SALL3: variants seen among roughly 807,000 people sequenced by gnomAD.
SALL3 encodes the protein spalt like transcription factor 3.
Under a neutral mutation model 66.2 loss-of-function variants are expected in SALL3, and 25 were observed. That is an observed-to-expected ratio of 0.38 (90% CI 0.28 to 0.53). SALL3 has a LOEUF of 0.53. SALL3 is among the 20% of genes least tolerant of loss of function. SALL3 has a pLI of 0.85. For missense variants in SALL3, 2,194 were observed against 1,916.5 expected (o/e 1.14, Z -2.70); for synonymous variants, 1,152 against 899.1 (o/e 1.28, Z -5.03).
chr18:78,982,103 A>G (rs892590291), intron 1 of SALL3, among the ~76,000 whole-genome samples: 11 of 152,242 alleles, frequency 7.2e-5, no homozygotes, highest in Admixed American at 3.9e-4. Flanking sequence ...GTATTTAACA[A>G]TTAACAAGCT....
chr18:78,984,750 T>C (rs545376003), intron 1 of SALL3, among the ~76,000 whole-genome samples: 2 of 152,342 alleles, frequency 1.3e-5, no homozygotes, highest in South Asian at 4.1e-4. Flanking sequence ...AAATATTAAT[T>C]GTAATAAAAT....
chr18:78,980,187 G>C lies in SALL3; in HGVS notation c.-88G>C, dbSNP rs1400636312. ...CCGCCGCCGCCCCGCGCCCCGCGCC[G>C]CGCGCCCGCCAGGCCGCCCCGCGCC... On this transcript the variant is annotated 5_prime_UTR_variant, in exon 1 of 3. Coordinates refer to ENST00000537592, the MANE Select transcript of SALL3 (RefSeq NM_171999.4). 1.1e-5 allele frequency: 5 copies of C among 468,636 alleles called. No individual in the cohort carries two copies. The highest frequency in any genetic ancestry group is 8.3e-6 in the Non-Finnish European group (3 of 361,508). 29.0% of individuals were successfully genotyped at this position (468,636 alleles called of 1,614,324 possible). A position where few individuals can be genotyped will look rare whatever the true frequency, so the allele number is the denominator to read the frequency against.
chr18:78,986,260 G>C (rs1489763937), intron 1 of SALL3, among the ~76,000 whole-genome samples: 1 of 152,236 alleles, frequency 6.6e-6, no homozygotes, highest in Non-Finnish European at 1.5e-5. Context: ...GTTGGTGACT[G>C]TGCCACAGGT....
chr18:78,991,120 AGT>A (rs1315846563), intron 1 of SALL3, among the ~76,000 whole-genome samples: 1 of 152,198 alleles, frequency 6.6e-6, no homozygotes, highest in Non-Finnish European at 1.5e-5. Context: ...AGGTACAAAA[AGT>A]GTGTCTGACT....
At position 78,992,348 on chromosome 18, in the gene SALL3, C is replaced by A; in HGVS notation, c.357C>A (p.Gly119=). 7.3e-7 allele frequency: 1 copy of A among 1,373,846 alleles called. No homozygotes were observed. Among genetic ancestry groups the A allele is most frequent in the Non-Finnish European group, 9.3e-7 (1 of 1,071,846 alleles). 85.1% of individuals were successfully genotyped at this position (1,373,846 alleles called of 1,614,324 possible). A position where few individuals can be genotyped will look rare whatever the true frequency, so the allele number is the denominator to read the frequency against. ...SEAAEEAGAE[G]AEGEARPVEK... ...CGGCCGAGGAGGCGGGTGCGGAGGG[C>A]GCGGAGGGCGAGGCCAGGCCGGTGG... The change falls in exon 2 of 3, where the codon GGC becomes GGA. Residue 119 remains glycine, a synonymous_variant. Transcript: ENST00000537592.
chr18:78,985,664 A>G (rs1914223972), intron 1 of SALL3, among the ~76,000 whole-genome samples: 1 of 152,184 alleles, frequency 6.6e-6, no homozygotes, highest in Admixed American at 6.5e-5. Flanking sequence ...GTCACAGCTG[A>G]TGGTAGCCTT....
chr18:78,996,870 C>A, intron 2 of SALL3, 21 bp from the exon 3 acceptor site: 2 of 1,584,480 alleles, frequency 1.3e-6, no homozygotes, highest in Non-Finnish European at 1.7e-6. Flanking sequence ...TACTCGTGGG[C>A]TGTCTCCGTG....
At chr18:78,980,581 TCTC>T (rs1216016548) in intron 1 of SALL3, among the ~76,000 whole-genome samples, 23 of 151,412 alleles carry the variant, frequency 1.5e-4, no homozygotes, top group African/African-American at 5.1e-4. Flanking sequence ...ACTTGGCTCC[TCTC>T]CTCGGAGTCG....
chr18:78,981,037 C>T (rs911226156), intron 1 of SALL3, among the ~76,000 whole-genome samples: 5 of 152,198 alleles, frequency 3.3e-5, no homozygotes, highest in Non-Finnish European at 5.9e-5. Flanking sequence ...TCTGCGCGGG[C>T]CTTTTCTCTC....
At position 78,995,413 on chromosome 18, in the gene SALL3, T is replaced by C. The variant is rs2615612; in HGVS notation, c.3422T>C (p.Phe1141Ser). 6.3e-7 allele frequency: 1 copy of C among 1,589,498 alleles called. No individual in the cohort carries two copies. Among genetic ancestry groups the C allele is most frequent in the Non-Finnish European group, 8.5e-7 (1 of 1,175,976 alleles). ...HERTHTGEKP[F>S]GCTICGRAFT... The stretch of plus-strand genomic sequence containing the variant: ...CGCACGCACACCGGCGAGAAGCCGT[T>C]CGGCTGCACCATCTGCGGCCGGGCC... Residue 1141 changes from phenylalanine (F) to serine (S), a missense_variant, in exon 2 of 3, where the codon TTC (phenylalanine) becomes TCC (serine). Physicochemically the swap from Phe to Ser is radical, Grantham distance 155 (BLOSUM62 -2). Transcript: ENST00000537592.
intron 1 of SALL3, among the ~76,000 whole-genome samples, chr18:78,982,931 T>G (rs1313113800): frequency 6.6e-6 from 1 of 152,188 alleles, no homozygotes; most frequent in African/African-American, 2.4e-5. Flanking sequence ...GGGACAGAGA[T>G]GCACTCACAT....
At position 78,993,528 on chromosome 18, in the gene SALL3, C is replaced by A; in HGVS notation, c.1537C>A (p.Leu513Met). 6.3e-7 allele frequency: 1 copy of A among 1,597,942 alleles called. No homozygotes were observed. Among genetic ancestry groups the A allele is most frequent in the Non-Finnish European group, 8.5e-7 (1 of 1,174,770 alleles). The change falls in exon 2 of 3, where the codon CTG becomes ATG. Residue 513 changes from leucine to methionine, a missense_variant. Leu to Met is a conservative substitution (Grantham distance 15). Transcript: ENST00000537592. ...LPPEKPVTTW[L>M]DSKPVLPTVP... is the part of the protein sequence containing the mutation. ...CCCCGAGAAGCCCGTGACCACCTGG[C>A]TGGACAGCAAGCCCGTGCTGCCCAC...
At position 78,993,139 on chromosome 18, in the gene SALL3, C is replaced by T. The variant is rs1914529884; in HGVS notation, c.1148C>T (p.Thr383Met). ...AACCCGCTGGTCAGCATCGCGGCCACGGCCAACGCTCTGGACCCGCTGTCC... is the reference window on the plus strand; with the variant it reads ...AACCCGCTGGTCAGCATCGCGGCCATGGCCAACGCTCTGGACCCGCTGTCC... Reference protein sequence around the residue: ...FPNPLVSIAATANALDPLSAL... With the variant: ...FPNPLVSIAAMANALDPLSAL... The change falls in exon 2 of 3, where the codon ACG (threonine) becomes ATG (methionine). Residue 383 changes from threonine to methionine, a missense_variant. Thr to Met is a moderately conservative substitution (Grantham distance 81, BLOSUM62 -1). Transcript: ENST00000537592. The T allele has an allele frequency of 1.9e-6, 3 of 1,605,730 alleles. No individual in the cohort carries two copies. The highest frequency in any genetic ancestry group is 2.7e-5 in the African/African-American group (2 of 74,758).
chr18:78,982,566 C>G (rs1914109880), intron 1 of SALL3, among the ~76,000 whole-genome samples: 1 of 152,164 alleles, frequency 6.6e-6, no homozygotes, highest in African/African-American at 2.4e-5. Flanking sequence ...CGTGTTAAGT[C>G]AAGGAATGCC....
At chr18:78,990,878 G>A (rs1914406652) in intron 1 of SALL3, among the ~76,000 whole-genome samples, 1 of 152,104 alleles carries the variant, frequency 6.6e-6, no homozygotes, top group African/African-American at 2.4e-5. Flanking sequence ...AAAAATGGAA[G>A]GTAGCAACGT....
Position 78,994,458 on chromosome 18 carries a change from C to T in SALL3, c.2467C>T (p.Leu823=), listed in dbSNP as rs768692690. Residue 823 remains leucine (L), a synonymous_variant, in exon 2 of 3, where the codon CTG becomes TTG. Coordinates refer to ENST00000537592, the MANE Select transcript of SALL3 (RefSeq NM_171999.4). ...DAATDPAKPL[L]SYAGSCPPSP... ...GGCCACCGACCCGGCCAAGCCACTC[C>T]TGTCCTACGCGGGGTCCTGCCCGCC... 6.2e-7 allele frequency: 1 copy of T among 1,612,522 alleles called. No individual in the cohort carries two copies. The highest frequency in any genetic ancestry group is 8.5e-7 in the Non-Finnish European group (1 of 1,179,856).
At chr18:78,982,043 G>C (rs1201630443) in intron 1 of SALL3, among the ~76,000 whole-genome samples, 1 of 152,182 alleles carries the variant, frequency 6.6e-6, no homozygotes, top group Non-Finnish European at 1.5e-5. Context: ...CAAAATGTGC[G>C]ATGTCTCCTT....
Position 78,992,131 on chromosome 18 carries a change from G to T in SALL3, c.140G>T (p.Gly47Val), listed in dbSNP as rs749413866. 1.9e-6 allele frequency: 3 copies of T among 1,603,318 alleles called. No homozygotes were observed. The highest frequency in any genetic ancestry group is 2.6e-6 in the Non-Finnish European group (3 of 1,176,036). Residue 47 changes from glycine (G) to valine (V), a missense_variant, in exon 2 of 3, where the codon GGC becomes GTC. Coordinates refer to ENST00000537592, the MANE Select transcript of SALL3 (RefSeq NM_171999.4). ...ADSGPESRSGGEETSVCEKCC... is the reference protein window; with the variant it reads ...ADSGPESRSGVEETSVCEKCC... ...AGCGGGCCCGAGAGCCGCAGCGGGG[G>T]CGAGGAGACCAGCGTGTGCGAGAAA...
At chr18:78,986,087 T>C (rs1389256434) in intron 1 of SALL3, among the ~76,000 whole-genome samples, 1 of 152,226 alleles carries the variant, frequency 6.6e-6, no homozygotes. Flanking sequence ...CCTTGAAGTG[T>C]AACAAACGTC....
Sources: allele counts gnomAD v4.1 joint callset (sites outside exome capture counted in the v4.1 genomes callset), GRCh38; gene constraint gnomAD v4.1.1; transcripts MANE v1.5; gene names NCBI Gene and HGNC (gene_info 2026-07-23, HGNC 2026-07-21).